FOCAD: variants seen among roughly 807,000 people sequenced by gnomAD.
The protein encoded by FOCAD is focadhesin, also known as KIAA1797.
FOCAD carries 198 observed loss-of-function variants against 225.6 expected under a neutral mutation model. The observed-to-expected ratio is 0.88, with a 90% CI of 0.78 to 0.99. The LOEUF is 0.99. FOCAD is among the 50% of genes least tolerant of loss of function. FOCAD has a pLI of 0.00. For synonymous variants in FOCAD, 897 were observed against 755.0 expected, an observed-to-expected ratio of 1.19 and a Z score of -3.08; for missense variants, 2,713 against 2,123.6, an observed-to-expected ratio of 1.28 and a Z score of -5.46.
chr9:20,993,138 ACTG>A, intron 42 of FOCAD, 112 bp from the exon 43 acceptor site: 1 of 742,972 alleles, frequency 1.3e-6, no homozygotes, highest in Non-Finnish European at 2.3e-6. Flanking sequence ...AATCCCAGCT[ACTG>A]GGGAGGCTGA....
chr9:20,790,938 T>C (rs971241105), intron 11 of FOCAD, among the ~76,000 whole-genome samples: 12 of 152,196 alleles, frequency 7.9e-5, no homozygotes, highest in African/African-American at 2.9e-4. Context: ...AGTGGATCTG[T>C]AATGTACTCA....
At chr9:20,757,056 A>G (rs1829119638) in intron 5 of FOCAD, among the ~76,000 whole-genome samples, 1 of 152,094 alleles carries the variant, frequency 6.6e-6, no homozygotes. Flanking sequence ...CAGCCTCCTG[A>G]GTAGCTGGGA....
intron 5 of FOCAD, among the ~76,000 whole-genome samples, chr9:20,741,246 A>C (rs1233685361): frequency 2.0e-5 from 3 of 152,308 alleles, no homozygotes; most frequent in Middle Eastern, 3.4e-3. Context: ...ATTTGACAAC[A>C]CAGGTATCAG....
intron 35 of FOCAD, among the ~76,000 whole-genome samples, chr9:20,965,280 T>C (rs1839158518): frequency 6.6e-6 from 1 of 152,130 alleles, no homozygotes; most frequent in Non-Finnish European, 1.5e-5. Context: ...TTAGGGTACT[T>C]TTTATTCCAG....
chr9:20,848,670 G>A (rs1827357228), intron 15 of FOCAD, among the ~76,000 whole-genome samples: 1 of 151,856 alleles, frequency 6.6e-6, no homozygotes, highest in Non-Finnish European at 1.5e-5. Flanking sequence ...AAACCACAGG[G>A]TTAACCACGG....
At chr9:20,790,998 C>T (rs1563994674) in intron 11 of FOCAD, among the ~76,000 whole-genome samples, 1 of 152,104 alleles carries the variant, frequency 6.6e-6, no homozygotes, top group Non-Finnish European at 1.5e-5. Flanking sequence ...GTTTAACTTG[C>T]TTTCTGCTTT....
At chr9:20,971,670 A>T (rs1172808385) in intron 35 of FOCAD, among the ~76,000 whole-genome samples, 1 of 152,170 alleles carries the variant, frequency 6.6e-6, no homozygotes, top group African/African-American at 2.4e-5. Context: ...ATGTGAATGT[A>T]TATTCATATT....
intron 2 of FOCAD, 48 bp downstream of exon 2, chr9:20,715,458 C>T: frequency 8.7e-7 from 1 of 1,146,228 alleles, no homozygotes; most frequent in Non-Finnish European, 1.2e-6. Flanking sequence ...TAAACCTGTT[C>T]TGTGGATTTT....
upstream of FOCAD, among the ~76,000 whole-genome samples, chr9:20,683,130 C>G (rs901020951): frequency 4.6e-5 from 7 of 152,056 alleles, no homozygotes; most frequent in Non-Finnish European, 1.0e-4. Context: ...AAACTGTTAA[C>G]GGTCTGTGAT....
chr9:20,991,812 CAAAAAA>C (rs58403366), intron 42 of FOCAD, among the ~76,000 whole-genome samples: 1 of 105,980 alleles, frequency 9.4e-6, no homozygotes, highest in Non-Finnish European at 1.9e-5. Context: ...GACTCTGTCT[CAAAAAA>C]AAAAAAAAAA....
chr9:20,992,716 T>C (rs1195302354), intron 42 of FOCAD, among the ~76,000 whole-genome samples: 1 of 152,048 alleles, frequency 6.6e-6, no homozygotes, highest in Non-Finnish European at 1.5e-5. Context: ...TCACAACACT[T>C]TGGGAGGCCA....
chr9:20,974,919 C>G (rs944659727), intron 35 of FOCAD, among the ~76,000 whole-genome samples: 5 of 152,184 alleles, frequency 3.3e-5, no homozygotes, highest in Admixed American at 6.6e-5. Context: ...GATTTTGCCT[C>G]TGCTTCTCCT....
intron 4 of FOCAD, among the ~76,000 whole-genome samples, chr9:20,737,660 T>C (rs767487579): frequency 1.3e-5 from 2 of 152,232 alleles, no homozygotes; most frequent in Non-Finnish European, 2.9e-5. Flanking sequence ...AGACTCCCTA[T>C]GATAGGCTTT....
intron 11 of FOCAD, among the ~76,000 whole-genome samples, chr9:20,817,947 T>G (rs1823905598): frequency 6.6e-6 from 1 of 152,182 alleles, no homozygotes; most frequent in African/African-American, 2.4e-5. Flanking sequence ...GTTTACCTAT[T>G]TAAGAAATTG....
chr9:20,814,514 G>A (rs1156702934), intron 11 of FOCAD, among the ~76,000 whole-genome samples: 1 of 151,616 alleles, frequency 6.6e-6, no homozygotes, highest in South Asian at 2.1e-4. Context: ...TGCCACCAAT[G>A]CCCAGCTAAT....
At chr9:20,740,879 T>C (rs778577629) in intron 5 of FOCAD, among the ~76,000 whole-genome samples, 12 of 152,258 alleles carry the variant, frequency 7.9e-5, no homozygotes, top group Non-Finnish European at 1.0e-4. Context: ...CTACAATGCA[T>C]TGGATTTTCT....
intron 5 of FOCAD, among the ~76,000 whole-genome samples, chr9:20,756,982 T>G (rs1829110151): frequency 6.6e-6 from 1 of 152,128 alleles, no homozygotes. Flanking sequence ...CAGGCTGGAG[T>G]GCAATAGCAT....
intron 42 of FOCAD, among the ~76,000 whole-genome samples, chr9:20,990,977 G>A (rs923705850): frequency 1.3e-5 from 2 of 152,126 alleles, no homozygotes; most frequent in South Asian, 2.1e-4. Context: ...TATCACCCTT[G>A]CCCTCAGGAA....
At chr9:20,665,488 T>C (rs1294447697) in intron 2 of FOCAD, among the ~76,000 whole-genome samples, 1 of 152,202 alleles carries the variant, frequency 6.6e-6, no homozygotes, top group Non-Finnish European at 1.5e-5. Context: ...TTCCTCAGAA[T>C]TGTGGTCTGT....
Sources: gnomAD v4.1 joint callset for allele counts (sites outside exome capture counted in the v4.1 genomes callset) on GRCh38, gnomAD v4.1.1 for gene constraint, MANE v1.5 for transcripts, NCBI Gene and HGNC (gene_info 2026-07-23, HGNC 2026-07-21) for gene names.